Variants in COLGALT2 observed in about 807,000 individuals in gnomAD.
The protein encoded by COLGALT2 is collagen beta(1-O)galactosyltransferase 2.
COLGALT2 carries 49 observed loss-of-function variants against 73.4 expected under a neutral mutation model. The observed-to-expected ratio is 0.67, with a 90% CI of 0.53 to 0.85. The LOEUF is 0.85. Among genes scored for constraint, COLGALT2 ranks in the 40% least tolerant of loss-of-function variants. COLGALT2 has a pLI of 0.00. For synonymous variants in COLGALT2, 295 were observed against 307.6 expected (o/e 0.96, Z 0.43); for missense variants, 722 against 790.2 (o/e 0.91, Z 1.03).
Position 183,964,027 on chromosome 1 carries a change from A to T in COLGALT2, c.833-7T>A. The T allele has an allele frequency of 6.2e-7, 1 of 1,612,820 alleles. No homozygotes were observed. The highest frequency in any genetic ancestry group is 8.5e-7 in the Non-Finnish European group (1 of 1,179,396). On this transcript the variant is annotated splice_region_variant and splice_polypyrimidine_tract_variant and intron_variant, in intron 5 of 11. Coordinates refer to ENST00000361927, the MANE Select transcript of COLGALT2 (RefSeq NM_015101.4). ...CAGAGGTACATCTGGATGCCTGAGG[A>T]TCCAAGAGAGGGACAAAGCCAACAA... is the stretch of plus-strand genomic sequence containing the variant.
intron 1 of COLGALT2, among the ~76,000 whole-genome samples, chr1:184,013,237 C>T (rs938005806): frequency 6.6e-6 from 1 of 152,188 alleles, no homozygotes; most frequent in African/African-American, 2.4e-5. Context: ...ATTACTTGAA[C>T]CTGGTAGACA....
chr1:183,932,010 T>C (rs1312365376), downstream of COLGALT2, among the ~76,000 whole-genome samples: 2 of 152,176 alleles, frequency 1.3e-5, no homozygotes, highest in Non-Finnish European at 2.9e-5. Flanking sequence ...ATCTGAGAGT[T>C]TGCAGTATGA....
chr1:184,033,985 C>T (rs939409502), intron 1 of COLGALT2, among the ~76,000 whole-genome samples: 2 of 152,212 alleles, frequency 1.3e-5, no homozygotes, highest in African/African-American at 4.8e-5. Context: ...AGAATGGATA[C>T]TAATCAGTTT....
At chr1:184,008,936 G>A (rs1049394734) in intron 1 of COLGALT2, among the ~76,000 whole-genome samples, 2 of 152,076 alleles carry the variant, frequency 1.3e-5, no homozygotes, top group Non-Finnish European at 2.9e-5. Context: ...ATAACAAAAT[G>A]TTGGTATATG....
chr1:183,989,736 G>A (rs1451958748), intron 1 of COLGALT2, among the ~76,000 whole-genome samples: 2 of 152,178 alleles, frequency 1.3e-5, no homozygotes, highest in African/African-American at 4.8e-5. Flanking sequence ...ATGAAGTCAG[G>A]AGGCATGGCT....
chr1:183,970,165 T>C (rs10752925), intron 4 of COLGALT2, among the ~76,000 whole-genome samples: 108,645 of 152,182 alleles, frequency 0.71, 39,226 homozygotes, highest in East Asian at 0.85. Context: ...AGCTGCTCCA[T>C]AGTTTTTGGG....
At chr1:184,021,079 G>C (rs538543892) in intron 1 of COLGALT2, among the ~76,000 whole-genome samples, 7 of 152,202 alleles carry the variant, frequency 4.6e-5, no homozygotes, top group African/African-American at 1.7e-4. Context: ...ATTCAGCATG[G>C]CACGAGACTA....
intron 1 of COLGALT2, among the ~76,000 whole-genome samples, chr1:184,032,991 T>TA (rs1466361132): frequency 3.9e-5 from 6 of 152,208 alleles, no homozygotes; most frequent in Non-Finnish European, 8.8e-5. Context: ...TCTCTTTATT[T>TA]AAAAATCCAT....
chr1:183,995,254 TTGAG>T (rs2102833649), intron 1 of COLGALT2, among the ~76,000 whole-genome samples: 1 of 152,314 alleles, frequency 6.6e-6, no homozygotes, highest in East Asian at 1.9e-4. Flanking sequence ...TTGGCCCTGA[TTGAG>T]AGAAAAAAAT....
chr1:184,029,656 C>T (rs1225308008), intron 1 of COLGALT2, among the ~76,000 whole-genome samples: 1 of 152,224 alleles, frequency 6.6e-6, no homozygotes, highest in African/African-American at 2.4e-5. Context: ...CCAAGTTATA[C>T]ATTTATGATA....
intron 1 of COLGALT2, among the ~76,000 whole-genome samples, chr1:183,982,060 T>G (rs920047367): frequency 2.6e-5 from 4 of 152,178 alleles, no homozygotes; most frequent in Non-Finnish European, 1.5e-5. Flanking sequence ...ATGGCCAACT[T>G]GATCTACTTT....
At chr1:184,015,275 G>A (rs1433281650) in intron 1 of COLGALT2, among the ~76,000 whole-genome samples, 1 of 152,092 alleles carries the variant, frequency 6.6e-6, no homozygotes. Flanking sequence ...TGTTATAGAG[G>A]GATATTCTAT....
chr1:183,990,876 C>T (rs1671612069), intron 1 of COLGALT2, among the ~76,000 whole-genome samples: 1 of 152,216 alleles, frequency 6.6e-6, no homozygotes, highest in Non-Finnish European at 1.5e-5. Context: ...ACCCCCTTTC[C>T]TGGGTCCCTA....
In COLGALT2 at chr1:183,963,973, T is replaced by C. The variant is rs780772731; in HGVS notation, c.880A>G (p.Ile294Val). 6.2e-7 allele frequency: 1 copy of C among 1,613,630 alleles called. No individual in the cohort carries two copies. Among genetic ancestry groups the C allele is most frequent in the South Asian group, 1.1e-5 (1 of 90,964 alleles). ...AGTGTCTGATGGGGCTTCAGGGGGA[T>C]GGGCAGGTAGCCATAGTGCTCTCTG... ...CNREHYGYLP[I>V]PLKPHQTLQE... Residue 294 changes from isoleucine to valine, a missense_variant, in exon 6 of 12, where the codon ATC (isoleucine) becomes GTC (valine). By Grantham distance (29) the Ile-to-Val change is conservative (BLOSUM62 3). Coordinates refer to ENST00000361927, the MANE Select transcript of COLGALT2 (RefSeq NM_015101.4).
At chr1:183,982,764 T>C (rs1671386829) in intron 1 of COLGALT2, among the ~76,000 whole-genome samples, 1 of 152,198 alleles carries the variant, frequency 6.6e-6, no homozygotes, top group African/African-American at 2.4e-5. Context: ...GAATAGTCAC[T>C]GCACTCCAGC....
At chr1:183,969,495 G>C in intron 4 of COLGALT2, 22 bp from the exon 5 acceptor site, 1 of 1,577,522 alleles carries the variant, frequency 6.3e-7, no homozygotes, top group Non-Finnish European at 8.6e-7. Context: ...CAAATAGGTG[G>C]GTTGTGTTTT....
In COLGALT2 at chr1:184,008,118, C is replaced by T. The variant is rs949209623; in HGVS notation, c.263+28977G>A. 4.3e-4 allele frequency among the ~76,000 whole-genome samples: 65 copies of T among 152,166 alleles called. 1 individual carries two copies. Among genetic ancestry groups the T allele is most frequent in the African/African-American group, 1.4e-3 (58 of 41,436 alleles). ...ATTAACATCACTAGAAAGGGGCAAA[C>T]AGACGTCAACCTTCAGATGTGATAC... On this transcript the variant is annotated intron_variant, in intron 1 of 11. Coordinates refer to ENST00000361927, the MANE Select transcript of COLGALT2 (RefSeq NM_015101.4).
intron 1 of COLGALT2, among the ~76,000 whole-genome samples, chr1:184,020,226 A>G (rs1030119821): frequency 5.3e-5 from 8 of 152,216 alleles, no homozygotes; most frequent in Non-Finnish European, 8.8e-5. Context: ...TGAAATAAGG[A>G]TGCAGAGGAT....
intron 1 of COLGALT2, among the ~76,000 whole-genome samples, chr1:184,015,873 C>G (rs1462907965): frequency 6.6e-6 from 1 of 152,160 alleles, no homozygotes; most frequent in Non-Finnish European, 1.5e-5. Flanking sequence ...GCTGTAGATG[C>G]CATAGATGTG....
Sources: allele counts gnomAD v4.1 joint callset (sites outside exome capture counted in the v4.1 genomes callset), GRCh38; gene constraint gnomAD v4.1.1; transcripts MANE v1.5; gene names NCBI Gene and HGNC (gene_info 2026-07-23, HGNC 2026-07-21).